Variants in MIB2 observed in about 807,000 individuals in gnomAD.
The protein encoded by MIB2 is E3 ubiquitin-protein ligase MIB2.
A neutral mutation model predicts 96.6 loss-of-function variants in MIB2; 78 were observed. The ratio of observed to expected loss-of-function variants is 0.81; its 90% CI spans 0.67 to 0.97. The LOEUF (loss-of-function observed/expected upper bound fraction) is 0.97. Among genes scored for constraint, MIB2 ranks in the 50% least tolerant of loss-of-function variants. The pLI is 0.00. For missense variants in MIB2, 1,543 were observed against 1,424.0 expected, an observed-to-expected ratio of 1.08 and a Z score of -1.35; for synonymous variants, 820 against 629.5, an observed-to-expected ratio of 1.30 and a Z score of -4.53.
chr1:1,623,375 C>A (rs368037861), intron 2 of MIB2, 56 bp from the exon 3 acceptor site: 8 of 1,588,674 alleles, frequency 5.0e-6, no homozygotes, highest in Non-Finnish European at 6.8e-6. Context: ...CCTGAGAATA[C>A]CCTCTGCCCA....
In MIB2 at chr1:1,627,365, C is replaced by G. The variant is rs760099314; in HGVS notation, c.1444C>G (p.Arg482Gly). 14 of 1,612,896 alleles carry G rather than the reference C, an allele frequency of 8.7e-6. No homozygotes were observed. Among genetic ancestry groups the G allele is most frequent in the Middle Eastern group, 1.6e-4 (1 of 6,084 alleles). ...AAYLGQVELI[R>G]LLLQARAGVD... ...CTACCTGGGCCAGGTGGAGTTGATACGGCTGCTGCTACAAGCCAGGGCGGG... is the reference window on the plus strand; with the variant it reads ...CTACCTGGGCCAGGTGGAGTTGATAGGGCTGCTGCTACAAGCCAGGGCGGG... The change falls in exon 12 of 20, where the codon CGG becomes GGG. Residue 482 changes from arginine (R) to glycine (G), a missense_variant. By Grantham distance (125) the Arg-to-Gly change is moderately radical. Coordinates refer to ENST00000355826, the MANE Select transcript of MIB2 (RefSeq NM_001170687.4).
rs1456903416 is a variant in MIB2 at position 1,629,414 on chromosome 1, C to T, written c.2411C>T (p.Pro804Leu). ...RERQAGGGAA[P>L]GPRQTLGTPN... ...CGGCAGGCGGGCGGGGGCGCGGCCC[C>T]GGGCCCCAGGCAAACGCTCGGGACC... The change falls in exon 18 of 20, where the codon CCG (proline) becomes CTG (leucine). Residue 804 changes from proline to leucine, a missense_variant. Physicochemically the swap from Pro to Leu is moderately conservative, Grantham distance 98 (BLOSUM62 -3). Coordinates refer to ENST00000355826, the MANE Select transcript of MIB2 (RefSeq NM_001170687.4). The T allele has an allele frequency of 2.7e-6, 4 of 1,474,668 alleles. No homozygotes were observed. Among genetic ancestry groups the T allele is most frequent in the Non-Finnish European group, 2.7e-6 (3 of 1,123,218 alleles). The allele number at this position is 1,474,668 out of a possible 1,614,324, so 91.3% of individuals were successfully genotyped here.
intron 1 of MIB2, chr1:1,615,905 G>A (rs1295196256): frequency 3.9e-6 from 4 of 1,015,088 alleles, no homozygotes; most frequent in African/African-American, 3.5e-5. Context: ...TGGGGTCGGC[G>A]CTGGGGTCGT....
Position 1,628,527 on chromosome 1 carries a change from G to A in MIB2, c.2007G>A (p.Gln669=). ...TGAACGTGCGCAACCGGAAGCTGCA[G>A]TCCCCGCTGCATCTCGCCGTGCAAC... is the stretch of plus-strand genomic sequence containing the variant. ...CDVNVRNRKL[Q]SPLHLAVQQA... Residue 669 remains glutamine, a synonymous_variant, in exon 16 of 20, where the codon CAG becomes CAA. Coordinates refer to ENST00000355826, the MANE Select transcript of MIB2 (RefSeq NM_001170687.4). 1 of 1,601,122 alleles carries A rather than the reference G, an allele frequency of 6.2e-7. No individual in the cohort carries two copies. The highest frequency in any genetic ancestry group is 1.1e-5 in the South Asian group (1 of 90,638).
Position 1,626,872 on chromosome 1 carries a change from T to G in MIB2, c.1113T>G (p.Phe371Leu). 6.2e-7 allele frequency: 1 copy of G among 1,605,018 alleles called. No individual in the cohort carries two copies. The highest frequency in any genetic ancestry group is 8.5e-7 in the Non-Finnish European group (1 of 1,179,604). The change falls in exon 10 of 20, where the codon TTT (phenylalanine) becomes TTG (leucine). Residue 371 changes from phenylalanine to leucine, a missense_variant. Transcript: ENST00000355826. This position sits in a 1 kb window ranked among gnomAD's most constrained non-coding sequence, Gnocchi z 5.3. ...LGRVGKVVKVFGDGNLRVAVA... is the reference protein window; with the variant it reads ...LGRVGKVVKVLGDGNLRVAVA... ...GCGTCGGGAAGGTGGTGAAAGTGTT[T>G]GGAGACGGGAACCTGCGTGTAGCAG... is the stretch of plus-strand genomic sequence containing the variant.
chr1:1,614,589 G>C (rs568537693), upstream of MIB2: 23 of 152,382 alleles, frequency 1.5e-4, no homozygotes, highest in African/African-American at 5.3e-4. Context: ...TAACTCACTT[G>C]TCCTGGAGAG....
Position 1,625,215 on chromosome 1 carries a change from C to G in MIB2, c.721+30C>G, listed in dbSNP as rs950811599. ...GAGGCTGTCACACTGACTCCATCAG[C>G]CCTCCTGCCTTGGCTGAAGTCCCAG... On this transcript the variant is annotated intron_variant, in intron 6 of 19. Transcript: ENST00000355826. The surrounding 1 kb of genome is among the most constrained non-coding windows in gnomAD (Gnocchi z 5.0). The G allele has an allele frequency of 5.0e-6, 8 of 1,602,748 alleles. No homozygotes were observed. Among genetic ancestry groups the G allele is most frequent in the Admixed American group, 1.7e-5 (1 of 59,756 alleles).
intron 1 of MIB2, chr1:1,616,271 C>A (rs924545635): frequency 3.4e-5 from 14 of 409,600 alleles, no homozygotes; most frequent in Non-Finnish European, 4.4e-5. Context: ...CCGGAGCCTC[C>A]TGACGTCTGC....
chr1:1,624,095 TG>T (rs1177768290), intron 4 of MIB2, 150 bp downstream of exon 4: 3 of 961,452 alleles, frequency 3.1e-6, no homozygotes, highest in Non-Finnish European at 1.5e-6. Flanking sequence ...AGTGGTGCCA[TG>T]GGCAGGGCAC....
rs1644990046 is a variant in MIB2 at position 1,628,148 on chromosome 1, C to T, written c.1810C>T (p.Leu604=). Residue 604 remains leucine (L), a synonymous_variant, in exon 14 of 20, where the codon CTG becomes TTG. Coordinates refer to ENST00000355826, the MANE Select transcript of MIB2 (RefSeq NM_001170687.4). Reference sequence around the variant, plus strand: ...CACCAACAGCCAGGGTTTCACCCTGCTGCACCATGCCTCCCTCAAGGGTCA... The same window carrying T: ...CACCAACAGCCAGGGTTTCACCCTGTTGCACCATGCCTCCCTCAAGGGTCA... ...TATNSQGFTL[L]HHASLKGHAL... is the part of the protein sequence containing the mutation. The T allele has an allele frequency of 6.2e-7, 1 of 1,613,306 alleles. No homozygotes were observed. Among genetic ancestry groups the T allele is most frequent in the Admixed American group, 1.7e-5 (1 of 60,008 alleles).
chr1:1,624,966 C>T (rs1644599019), intron 5 of MIB2, 25 bp from the exon 6 acceptor site: 9 of 1,608,218 alleles, frequency 5.6e-6, no homozygotes, highest in Non-Finnish European at 5.1e-6. Flanking sequence ...CAGCCTTAGC[C>T]TGCTGGGGGG....
Position 1,626,818 on chromosome 1 carries a change from C to T in MIB2, c.1078-19C>T, listed in dbSNP as rs770629597. On this transcript the variant is annotated intron_variant, in intron 9 of 19. Coordinates refer to ENST00000355826, the MANE Select transcript of MIB2 (RefSeq NM_001170687.4). This position sits in a 1 kb window ranked among gnomAD's most constrained non-coding sequence, Gnocchi z 5.3. ...CCCCCACACCTGCAGCCTGCTGTGA[C>T]CCCCTCCCCTCCCCGCAGGCCCTGG... 9.4e-6 allele frequency: 15 copies of T among 1,599,690 alleles called. No homozygotes were observed. Among genetic ancestry groups the T allele is most frequent in the African/African-American group, 1.3e-5 (1 of 74,812 alleles).
chr1:1,629,852 A>G (rs1000045042), intron 19 of MIB2, 148 bp downstream of exon 19: 5 of 530,664 alleles, frequency 9.4e-6, no homozygotes, highest in Admixed American at 8.1e-5. Flanking sequence ...CCGGCCCCCC[A>G]GCCCCCAGCC....
upstream of MIB2, chr1:1,615,420 C>T: frequency 1.4e-6 from 2 of 1,477,370 alleles, no homozygotes. Flanking sequence ...GACGCACTTC[C>T]GGTGCTTGCC....
At chr1:1,621,278 G>A (rs1175590637) in intron 2 of MIB2, among the ~76,000 whole-genome samples, 3 of 152,212 alleles carry the variant, frequency 2.0e-5, no homozygotes, top group African/African-American at 2.4e-5. Flanking sequence ...CGGGGCCTCC[G>A]AGGGCAAGGT....
At position 1,624,977 on chromosome 1, in the gene MIB2, G is replaced by T. The variant is rs771066310; in HGVS notation, c.527-14G>T. The T allele has an allele frequency of 1.1e-5, 17 of 1,608,452 alleles. No individual in the cohort carries two copies. In the African/African-American group the frequency reaches 1.6e-4, roughly 15 times the overall value. On this transcript the variant is annotated splice_polypyrimidine_tract_variant and intron_variant, in intron 5 of 19. Coordinates refer to ENST00000355826, the MANE Select transcript of MIB2 (RefSeq NM_001170687.4). Reference sequence around the variant, plus strand: ...GGCTCAGCCTTAGCCTGCTGGGGGGGCCTCTTTCCCCAGGAGGGGAAGGGA... The same window carrying T: ...GGCTCAGCCTTAGCCTGCTGGGGGGTCCTCTTTCCCCAGGAGGGGAAGGGA...
intron 2 of MIB2, 95 bp downstream of exon 2, chr1:1,616,709 C>A: frequency 2.0e-6 from 2 of 994,888 alleles, no homozygotes; most frequent in Non-Finnish European, 3.0e-6. Context: ...GTGTTTGTGT[C>A]TGAGCATGCA....
At position 1,628,652 on chromosome 1, in the gene MIB2, G is replaced by T; in HGVS notation, c.2132G>T (p.Arg711Leu). 2 of 1,590,840 alleles carry T rather than the reference G, an allele frequency of 1.3e-6. No homozygotes were observed. The highest frequency in any genetic ancestry group is 8.5e-7 in the Non-Finnish European group (1 of 1,171,972). The change falls in exon 16 of 20, where the codon CGT (arginine) becomes CTT (leucine). Residue 711 changes from arginine to leucine, a missense_variant. Coordinates refer to ENST00000355826, the MANE Select transcript of MIB2 (RefSeq NM_001170687.4). ...ACAGCCCTGCACGTGGCGCTGCAGC[G>T]TCATCAGCTGCTGCCCCTGGTGGCT... ...GDTALHVALQ[R>L]HQLLPLVADG...
At chr1:1,615,110 C>A (rs1042084429), upstream of MIB2, 2 of 297,540 alleles carry the variant, frequency 6.7e-6, no homozygotes, top group African/African-American at 2.2e-5. Context: ...GAGAAGCAAG[C>A]GTCCAACTCT....
Sources: gnomAD v4.1 joint callset for allele counts (sites outside exome capture counted in the v4.1 genomes callset) on GRCh38, gnomAD v4.1.1 for gene constraint, Gnocchi (gnomAD v3.1) non-coding constraint, MANE v1.5 for transcripts, NCBI Gene and HGNC (gene_info 2026-07-23, HGNC 2026-07-21) for gene names.